SCUBE2: variants seen among roughly 807,000 people sequenced by gnomAD.
SCUBE2 encodes signal peptide, CUB domain and EGF like domain containing 2, also known as signal peptide, CUB and EGF-like domain-containing protein 2.
Under a neutral mutation model 125.9 loss-of-function variants are expected in SCUBE2, and 114 were observed. That is an observed-to-expected ratio of 0.91 (90% CI 0.78 to 1.06). SCUBE2 has a LOEUF of 1.06. SCUBE2 is among the 50% of genes least tolerant of loss of function. SCUBE2 has a pLI of 0.00. For synonymous variants in SCUBE2, 459 were observed against 492.9 expected (o/e 0.93, Z 0.91); for missense variants, 1,255 against 1,301.8 (o/e 0.96, Z 0.55).
intron 16 of SCUBE2, among the ~76,000 whole-genome samples, chr11:9,041,075 T>C (rs1327656669): frequency 6.6e-6 from 1 of 152,246 alleles, no homozygotes; most frequent in Non-Finnish European, 1.5e-5. Flanking sequence ...CAACCACCAC[T>C]ATCAATAATG....
intron 16 of SCUBE2, among the ~76,000 whole-genome samples, chr11:9,035,162 A>T (rs1218263345): frequency 6.6e-6 from 1 of 152,228 alleles, no homozygotes; most frequent in East Asian, 1.9e-4. Flanking sequence ...TACTATTCAA[A>T]CATCATCAGA....
chr11:9,069,356 T>C lies in SCUBE2; in HGVS notation c.643+14A>G. 1 of 1,614,110 alleles carries C rather than the reference T, an allele frequency of 6.2e-7. No individual in the cohort carries two copies. Among genetic ancestry groups the C allele is most frequent in the Non-Finnish European group, 8.5e-7 (1 of 1,179,976 alleles). On this transcript the variant is annotated intron_variant, in intron 5 of 22. Transcript: ENST00000649792. ...GACGGTTCCCATGGCAGGTGTGCAC[T>C]GGCCCATACTTACAGATGCAGTCTC...
intron 16 of SCUBE2, among the ~76,000 whole-genome samples, chr11:9,041,334 G>A (rs1411727721): frequency 6.6e-6 from 1 of 152,156 alleles, no homozygotes; most frequent in Non-Finnish European, 1.5e-5. Context: ...TTTCAGAATC[G>A]CCAGCATGTG....
At position 9,027,428 on chromosome 11, in the gene SCUBE2, C is replaced by T. The variant is rs1589994620; in HGVS notation, c.2637G>A (p.Val879=). 1 of 1,614,008 alleles carries T rather than the reference C, an allele frequency of 6.2e-7. No individual in the cohort carries two copies. Among genetic ancestry groups the T allele is most frequent in the Non-Finnish European group, 8.5e-7 (1 of 1,179,990 alleles). ...CTATGGGCAGGAAGATCTCAGGGAC[C>T]ACGATCAGGATGCGGCGCTTGGGGG... ...NPPPKRRILI[V]VPEIFLPIED... is the part of the protein sequence containing the mutation. The change falls in exon 20 of 23, where the codon GTG becomes GTA. Residue 879 remains valine, a synonymous_variant. Coordinates refer to ENST00000649792, the MANE Select transcript of SCUBE2 (RefSeq NM_001367977.2).
rs1351561172 is a variant in SCUBE2 at position 9,065,886 on chromosome 11, C to A, written c.850+5G>T. On this transcript the variant is annotated splice_donor_5th_base_variant and intron_variant, in intron 7 of 22. Coordinates refer to ENST00000649792, the MANE Select transcript of SCUBE2 (RefSeq NM_001367977.2). ...TGGCCAAGGAAAGGGAGTGAAGGTGCCTACCCATGAGCAGCCGCCGTTTCA... is the reference window on the plus strand; with the variant it reads ...TGGCCAAGGAAAGGGAGTGAAGGTGACTACCCATGAGCAGCCGCCGTTTCA... The A allele has an allele frequency of 1.2e-6, 2 of 1,613,074 alleles. No homozygotes were observed. Among genetic ancestry groups the A allele is most frequent in the Non-Finnish European group, 8.5e-7 (1 of 1,179,040 alleles).
chr11:9,062,517 T>C (rs1859781103), intron 7 of SCUBE2, among the ~76,000 whole-genome samples: 1 of 152,184 alleles, frequency 6.6e-6, no homozygotes, highest in African/African-American at 2.4e-5. Context: ...CAAGAATCAC[T>C]AGACATTTCT....
rs878957075 is a variant in SCUBE2, at chr11:9,025,883, G to T, written c.2702-29C>A. On this transcript the variant is annotated intron_variant, in intron 20 of 22. Transcript: ENST00000649792. ...CCAAGGGAAGTTGGAGAAGGGTGGG[G>T]TTCAAGACTCATCACTGATCAGGCA... 9.3e-6 allele frequency: 15 copies of T among 1,607,516 alleles called. No homozygotes were observed. In the African/African-American group the frequency reaches 1.9e-4, roughly 20 times the overall value.
chr11:9,065,780 C>T (rs899870764), intron 7 of SCUBE2, 111 bp downstream of exon 7: 2 of 849,786 alleles, frequency 2.4e-6, no homozygotes, highest in African/African-American at 1.6e-5. Context: ...CTGCTCACCC[C>T]AGTCCAGCTG....
At chr11:9,087,703 T>G (rs1387408621) in intron 2 of SCUBE2, among the ~76,000 whole-genome samples, 1 of 152,218 alleles carries the variant, frequency 6.6e-6, no homozygotes, top group Non-Finnish European at 1.5e-5. Context: ...AGATCCAAAC[T>G]TGCCCGTCAT....
chr11:9,082,607 T>A (rs2135942821), intron 2 of SCUBE2, among the ~76,000 whole-genome samples: 1 of 152,172 alleles, frequency 6.6e-6, no homozygotes, highest in South Asian at 2.1e-4. Context: ...GCAAAAAAAA[T>A]GGTATATTCA....
Position 9,025,744 on chromosome 11 carries a change from T to G in SCUBE2, c.2812A>C (p.Asn938His). ...LWIQFKSNEG[N>H]SARGFQVPYV... ...GGGACCTGGAACCCTCTAGCGCTGT[T>G]CCCTTCATTGGACTTGAACTGAATC... Residue 938 changes from asparagine to histidine, a missense_variant, in exon 21 of 23, where the codon AAC (asparagine) becomes CAC (histidine). Asn to His is a moderately conservative substitution (Grantham distance 68). Coordinates refer to ENST00000649792, the MANE Select transcript of SCUBE2 (RefSeq NM_001367977.2). 3 of 1,614,198 alleles carry G rather than the reference T, an allele frequency of 1.9e-6. No homozygotes were observed. The highest frequency in any genetic ancestry group is 2.5e-6 in the Non-Finnish European group (3 of 1,180,038).
chr11:9,040,134 G>C (rs1222697725), intron 16 of SCUBE2, among the ~76,000 whole-genome samples: 1 of 152,300 alleles, frequency 6.6e-6, no homozygotes, highest in South Asian at 2.1e-4. Context: ...TGGAGCGGAG[G>C]TTTCCCATCC....
intron 10 of SCUBE2, among the ~76,000 whole-genome samples, chr11:9,055,125 C>A (rs1022054431): frequency 6.6e-6 from 1 of 152,132 alleles, no homozygotes; most frequent in Non-Finnish European, 1.5e-5. Context: ...GGAAGATGAC[C>A]TTGGAAGTCC....
chr11:9,081,332 A>C (rs554441382), intron 2 of SCUBE2, among the ~76,000 whole-genome samples: 210 of 152,138 alleles, frequency 1.4e-3, no homozygotes, highest in Non-Finnish European at 2.5e-3. Flanking sequence ...TTTAACAATA[A>C]CTCCTCATTT....
chr11:9,091,268 G>T lies in SCUBE2; in HGVS notation c.133+128C>A. 1 of 602,284 alleles carries T rather than the reference G, an allele frequency of 1.7e-6. No homozygotes were observed. Among genetic ancestry groups the T allele is most frequent in the Non-Finnish European group, 2.3e-6 (1 of 427,774 alleles). 37.3% of individuals were successfully genotyped at this position (602,284 alleles called of 1,614,324 possible). On this transcript the variant is annotated intron_variant, in intron 1 of 22. Transcript: ENST00000649792. The surrounding 1 kb of genome is among the most constrained non-coding windows in gnomAD (Gnocchi z 8.5). ...CGGGTGAGGTCCCGGGGGGAGCAGA[G>T]GCCCCCGCGGAGCTGCAGCCGCCAG... is the stretch of plus-strand genomic sequence containing the variant.
intron 7 of SCUBE2, among the ~76,000 whole-genome samples, chr11:9,063,781 G>A (rs1859914120): frequency 6.6e-6 from 1 of 152,224 alleles, no homozygotes; most frequent in South Asian, 2.1e-4. Context: ...GCCAGGCCCT[G>A]CTAGGGCAGG....
intron 3 of SCUBE2, among the ~76,000 whole-genome samples, chr11:9,076,402 T>C (rs1861217112): frequency 6.6e-6 from 1 of 152,016 alleles, no homozygotes; most frequent in South Asian, 2.1e-4. Flanking sequence ...ACTTGCAGCC[T>C]CAAAATCCTT....
chr11:9,076,001 T>C (rs1217002095), intron 3 of SCUBE2, among the ~76,000 whole-genome samples: 1 of 152,172 alleles, frequency 6.6e-6, no homozygotes, highest in East Asian at 1.9e-4. Flanking sequence ...AGGTGATCTG[T>C]CTGAAATGCT....
At chr11:9,066,640 G>C (rs1000944821) in intron 6 of SCUBE2, 57 bp downstream of exon 6, 10 of 1,358,222 alleles carry the variant, frequency 7.4e-6, no homozygotes, top group Admixed American at 1.7e-5. Flanking sequence ...TAAGGGGTAG[G>C]GGTAGGGACA....
Sources: allele counts gnomAD v4.1 joint callset (sites outside exome capture counted in the v4.1 genomes callset), GRCh38; gene constraint gnomAD v4.1.1; non-coding constraint Gnocchi (gnomAD v3.1); transcripts MANE v1.5; gene names NCBI Gene and HGNC (gene_info 2026-07-23, HGNC 2026-07-21).